PITPNC1: variants seen among roughly 807,000 people sequenced by gnomAD.
PITPNC1 encodes cytoplasmic phosphatidylinositol transfer protein 1.
PITPNC1 carries 18 observed loss-of-function variants against 44.7 expected under a neutral mutation model. That is an observed-to-expected ratio of 0.40 (90% confidence interval 0.28 to 0.60). The LOEUF is 0.60. Ranked by LOEUF, PITPNC1 falls within the 20% of genes least tolerant of loss-of-function variation. The probability of loss-of-function intolerance (pLI) is 0.39; values close to 1 mark genes in which losing one functional copy is unlikely to be tolerated. For synonymous variants in PITPNC1, 141 were observed against 149.6 expected (o/e 0.94, Z 0.42); for missense variants, 290 against 418.4 (o/e 0.69, Z 2.68).
chr17:67,382,651 C>T (rs1026043899), intron 1 of PITPNC1, among the ~76,000 whole-genome samples: 1 of 152,072 alleles, frequency 6.6e-6, no homozygotes, highest in African/African-American at 2.4e-5. Context: ...GAGCCACACT[C>T]TCTCGCTCTG....
intron 5 of PITPNC1, among the ~76,000 whole-genome samples, chr17:67,598,441 T>G (rs2041488606): frequency 6.6e-6 from 1 of 152,174 alleles, no homozygotes; most frequent in South Asian, 2.1e-4. Flanking sequence ...CACCCCCAAA[T>G]TCCTATGTTA....
At chr17:67,572,930 AC>A (rs1362504976) in intron 4 of PITPNC1, among the ~76,000 whole-genome samples, 1 of 152,108 alleles carries the variant, frequency 6.6e-6, no homozygotes, top group Admixed American at 6.5e-5. Flanking sequence ...GGAGTGATGC[AC>A]CCACTCCCGG....
At chr17:67,547,569 C>G (rs944643815) in intron 2 of PITPNC1, among the ~76,000 whole-genome samples, 1 of 152,102 alleles carries the variant, frequency 6.6e-6, no homozygotes, top group African/African-American at 2.4e-5. Flanking sequence ...GTAATTCTGA[C>G]CCCTGTTGAG....
chr17:67,500,449 C>T (rs1421970059), intron 1 of PITPNC1, among the ~76,000 whole-genome samples: 2 of 152,116 alleles, frequency 1.3e-5, no homozygotes, highest in East Asian at 3.9e-4. Context: ...CCAGGATAGG[C>T]ACAGAAAGTT....
chr17:67,393,820 G>C (rs998406634), intron 1 of PITPNC1, among the ~76,000 whole-genome samples: 6 of 152,154 alleles, frequency 3.9e-5, no homozygotes, highest in Non-Finnish European at 8.8e-5. Flanking sequence ...TTCTGAGTAA[G>C]GAAGACCAGT....
chr17:67,654,326 A>G (rs1422270465), intron 6 of PITPNC1, among the ~76,000 whole-genome samples: 1 of 152,202 alleles, frequency 6.6e-6, no homozygotes, highest in Non-Finnish European at 1.5e-5. Context: ...CACACAAGGA[A>G]ACCTGCATGC....
At chr17:67,659,256 G>A (rs539093198) in intron 6 of PITPNC1, among the ~76,000 whole-genome samples, 1 of 152,182 alleles carries the variant, frequency 6.6e-6, no homozygotes, top group Non-Finnish European at 1.5e-5. Context: ...AGAGTGCATT[G>A]TTTCTCACAA....
chr17:67,494,998 A>C (rs1267913967), intron 1 of PITPNC1, among the ~76,000 whole-genome samples: 1 of 149,616 alleles, frequency 6.7e-6, no homozygotes, highest in Non-Finnish European at 1.5e-5. Flanking sequence ...CAGCAACAAC[A>C]ACAAGTAGAA....
chr17:67,530,302 A>G (rs995401742), intron 1 of PITPNC1, among the ~76,000 whole-genome samples: 14 of 151,860 alleles, frequency 9.2e-5, no homozygotes, highest in Non-Finnish European at 1.8e-4. Context: ...CGTGATCGCC[A>G]GGATGGTCTC....
At chr17:67,692,014 GAA>G (rs112070314) in intron 8 of PITPNC1, among the ~76,000 whole-genome samples, 3 of 133,214 alleles carry the variant, frequency 2.3e-5, no homozygotes, top group African/African-American at 8.2e-5. Flanking sequence ...GTCTCAGAAA[GAA>G]AAAAAAAAAA....
chr17:67,504,133 A>C (rs2040071195), intron 1 of PITPNC1, among the ~76,000 whole-genome samples: 1 of 152,144 alleles, frequency 6.6e-6, no homozygotes, highest in Non-Finnish European at 1.5e-5. Context: ...GCCTCACTTC[A>C]GCATGTCAAA....
chr17:67,629,324 G>A (rs1339840937), intron 5 of PITPNC1, among the ~76,000 whole-genome samples: 1 of 148,104 alleles, frequency 6.8e-6, no homozygotes, highest in Non-Finnish European at 1.5e-5. Flanking sequence ...CCAGGCTGGA[G>A]TGCAGTGGCA....
At chr17:67,642,987 AG>A (rs2042107329) in intron 6 of PITPNC1, among the ~76,000 whole-genome samples, 1 of 152,240 alleles carries the variant, frequency 6.6e-6, no homozygotes, top group Admixed American at 6.5e-5. Context: ...CAGACCAAGT[AG>A]GTCAAACAAA....
intron 8 of PITPNC1, among the ~76,000 whole-genome samples, chr17:67,689,613 A>G (rs1349840063): frequency 6.6e-6 from 1 of 152,240 alleles, no homozygotes; most frequent in Non-Finnish European, 1.5e-5. Context: ...ATTAGGCAAA[A>G]TTAACATCCA....
chr17:67,553,581 C>G, intron 3 of PITPNC1, 29 bp from the exon 4 acceptor site: 1 of 1,144,636 alleles, frequency 8.7e-7, no homozygotes. Context: ...TTTCTTTCCT[C>G]TCTTCTTCAA....
At chr17:67,381,299 G>T (rs1157275746) in intron 1 of PITPNC1, among the ~76,000 whole-genome samples, 1 of 138,906 alleles carries the variant, frequency 7.2e-6, no homozygotes, top group Non-Finnish European at 1.5e-5. Context: ...CTGCACTCCA[G>T]CCTGGGCGAC....
rs890658367 is a variant in PITPNC1, at chr17:67,392,772, C to A, written c.48+14570C>A. On this transcript the variant is annotated intron_variant, in intron 1 of 8. Coordinates refer to ENST00000581322, the MANE Select transcript of PITPNC1 (RefSeq NM_012417.4). ...ACTATTTGAAGAGGACTGCACTTCA[C>A]TGGATGTGTATATCCTGGTGAGTTT... Among the ~76,000 whole-genome samples, 6 of 152,306 alleles carry A rather than the reference C, an allele frequency of 3.9e-5. No homozygotes were observed. In the East Asian group the frequency reaches 1.2e-3, roughly 29 times the overall value.
At chr17:67,494,180 T>C (rs373506993) in intron 1 of PITPNC1, among the ~76,000 whole-genome samples, 4 of 60,138 alleles carry the variant, frequency 6.7e-5, no homozygotes, top group African/African-American at 2.6e-4. Context: ...TCTTTCTTTC[T>C]TTCTTTTTCT....
intron 1 of PITPNC1, among the ~76,000 whole-genome samples, chr17:67,402,621 A>G (rs148007650): frequency 7.9e-5 from 12 of 152,308 alleles, no homozygotes; most frequent in African/African-American, 1.4e-4. Context: ...AACAAATGCA[A>G]TGAATGGCAT....
Sources: allele counts gnomAD v4.1 joint callset (sites outside exome capture counted in the v4.1 genomes callset), GRCh38; gene constraint gnomAD v4.1.1; transcripts MANE v1.5; gene names NCBI Gene and HGNC (gene_info 2026-07-23, HGNC 2026-07-21).